The following ABLIM3 variants were observed in gnomAD, a reference collection of about 807,000 sequenced individuals.
ABLIM3 encodes actin-binding LIM protein 3.
In ABLIM3, 61 loss-of-function variants were observed where a neutral mutation model predicts 109.5. The ratio of observed to expected loss-of-function variants is 0.56; its 90% confidence interval spans 0.45 to 0.69. The LOEUF (loss-of-function observed/expected upper bound fraction) is 0.69. Among genes scored for constraint, ABLIM3 ranks in the 30% least tolerant of loss-of-function variants. The pLI is 0.00. For synonymous variants in ABLIM3, 300 were observed against 324.8 expected (o/e 0.92, Z 0.82); for missense variants, 796 against 889.5 (o/e 0.89, Z 1.34).
At chr5:149,199,191 C>T (rs2127497107) in intron 4 of ABLIM3, 1 of 452,744 alleles carries the variant, frequency 2.2e-6, no homozygotes, top group Non-Finnish European at 4.4e-6. Flanking sequence ...AAGCTCAGCC[C>T]TACCCACAAA....
At chr5:149,206,959 G>C in intron 5 of ABLIM3, 49 bp from the exon 6 acceptor site, 2 of 1,588,238 alleles carry the variant, frequency 1.3e-6, no homozygotes, top group Non-Finnish European at 1.7e-6. Flanking sequence ...GATAGCGGGG[G>C]TTAAAGGGCC....
intron 2 of ABLIM3, among the ~76,000 whole-genome samples, chr5:149,160,777 G>A (rs962122210): frequency 1.1e-4 from 16 of 152,174 alleles, no homozygotes; most frequent in South Asian, 2.1e-4. Context: ...CATCTGTTGG[G>A]CTGTAAGCTG....
chr5:149,197,106 T>C (rs1758053376), intron 3 of ABLIM3, among the ~76,000 whole-genome samples: 1 of 152,208 alleles, frequency 6.6e-6, no homozygotes, highest in South Asian at 2.1e-4. Flanking sequence ...GATATTTTTC[T>C]AAATTTTTCT....
At chr5:149,143,951 T>C (rs1167776576) in intron 2 of ABLIM3, among the ~76,000 whole-genome samples, 1 of 152,120 alleles carries the variant, frequency 6.6e-6, no homozygotes, top group Non-Finnish European at 1.5e-5. Flanking sequence ...TTCAAGGAAC[T>C]AAGAAAAGAA....
intron 2 of ABLIM3, among the ~76,000 whole-genome samples, chr5:149,170,443 A>G (rs1755303907): frequency 6.6e-6 from 1 of 152,142 alleles, no homozygotes; most frequent in African/African-American, 2.4e-5. Flanking sequence ...TCATACGGAA[A>G]GGGGATTGGG....
In ABLIM3 at chr5:149,249,685, C is replaced by T. The variant is rs1753742353; in HGVS notation, c.1700-130C>T. On this transcript the variant is annotated intron_variant, in intron 18 of 23. Coordinates refer to ENST00000309868, the MANE Select transcript of ABLIM3 (RefSeq NM_014945.5). The stretch of plus-strand genomic sequence containing the variant: ...AAACTGACCAGTTCAGGAGGGGCTG[C>T]AGGAGGCCCCTTTTCCCAGCCAGCC... The T allele has an allele frequency of 5.1e-6, 5 of 975,858 alleles. No individual in the cohort carries two copies. In the South Asian group the frequency reaches 7.3e-5, roughly 14 times the overall value. 60.4% of individuals were successfully genotyped at this position (975,858 alleles called of 1,614,324 possible). A position where few individuals can be genotyped will look rare whatever the true frequency, so the allele number is the denominator to read the frequency against.
At chr5:149,244,809 A>C in intron 15 of ABLIM3, 72 bp from the exon 16 acceptor site, 1 of 1,600,790 alleles carries the variant, frequency 6.2e-7, no homozygotes, top group South Asian at 1.1e-5. Context: ...CCTGGTAAAG[A>C]TAGGAAAAGG....
intron 2 of ABLIM3, among the ~76,000 whole-genome samples, chr5:149,147,049 C>T (rs1260401672): frequency 4.0e-5 from 6 of 151,530 alleles, no homozygotes; most frequent in African/African-American, 1.2e-4. Context: ...TACATATATT[C>T]CTAGGGTTTC....
chr5:149,234,173 A>G (rs1762129385), intron 10 of ABLIM3, among the ~76,000 whole-genome samples: 1 of 152,230 alleles, frequency 6.6e-6, no homozygotes, highest in African/African-American at 2.4e-5. Flanking sequence ...GGACCTGACA[A>G]TCTAGGACTA....
chr5:149,207,497 C>A (rs1759119351), intron 6 of ABLIM3, among the ~76,000 whole-genome samples: 1 of 152,162 alleles, frequency 6.6e-6, no homozygotes, highest in Admixed American at 6.5e-5. Context: ...ACATATTTAT[C>A]CCTGGTAACT....
At chr5:149,200,515 G>C in intron 5 of ABLIM3, 87 bp downstream of exon 5, 4 of 1,392,804 alleles carry the variant, frequency 2.9e-6, no homozygotes, top group Non-Finnish European at 3.0e-6. Flanking sequence ...GCTCCCACGG[G>C]CCTGGAGGGA....
chr5:149,141,887 C>A, intron 1 of ABLIM3, 122 bp from the exon 2 acceptor site: 1 of 681,970 alleles, frequency 1.5e-6, no homozygotes, highest in Admixed American at 2.6e-5. Context: ...CTCTCACCTG[C>A]GCCTATTAGT....
At chr5:149,258,221 C>A in intron 23 of ABLIM3, 70 bp from the exon 24 acceptor site, 1 of 1,434,664 alleles carries the variant, frequency 7.0e-7, no homozygotes, top group South Asian at 1.2e-5. Context: ...TCCAGCTACC[C>A]CTGCATCTTG....
chr5:149,251,416 C>T lies in ABLIM3; in HGVS notation c.1846C>T (p.Arg616Ter), dbSNP rs368209611. 2 of 1,613,916 alleles carry T rather than the reference C, an allele frequency of 1.2e-6. No individual in the cohort carries two copies. The highest frequency in any genetic ancestry group is 2.2e-5 in the East Asian group (1 of 44,886). Residue 616 changes from arginine to a stop codon, truncating the protein, a stop_gained, in exon 21 of 24, where the codon CGA becomes TGA. Coordinates refer to ENST00000309868, the MANE Select transcript of ABLIM3 (RefSeq NM_014945.5). LOFTEE classifies it high-confidence loss of function. ...CATGAACGCAGTCAACTGGGGCATGCGAGGTGAGTGCAGGCCTGCAGGGGG... is the reference window on the plus strand; with the variant it reads ...CATGAACGCAGTCAACTGGGGCATGTGAGGTGAGTGCAGGCCTGCAGGGGG... The part of the protein sequence containing the change: ...DSMNAVNWGM[R>*]EYKIYPYELL...
intron 8 of ABLIM3, among the ~76,000 whole-genome samples, chr5:149,227,993 G>A (rs1209043621): frequency 6.6e-6 from 1 of 152,070 alleles, no homozygotes; most frequent in Non-Finnish European, 1.5e-5. Context: ...TATCTTCTCG[G>A]TACAGTAAAA....
At chr5:149,178,377 C>A (rs887279960) in intron 2 of ABLIM3, among the ~76,000 whole-genome samples, 4 of 152,204 alleles carry the variant, frequency 2.6e-5, no homozygotes, top group African/African-American at 9.7e-5. Flanking sequence ...CTGCTGTGTG[C>A]TCATTGCTGA....
intron 2 of ABLIM3, among the ~76,000 whole-genome samples, chr5:149,147,558 C>T (rs1233513314): frequency 6.6e-6 from 1 of 152,114 alleles, no homozygotes; most frequent in Non-Finnish European, 1.5e-5. Context: ...TATTTTCAAT[C>T]TGCCTTTAGT....
intron 2 of ABLIM3, among the ~76,000 whole-genome samples, chr5:149,164,482 A>G (rs4077085): frequency 0.43 from 65,766 of 151,976 alleles, 14,621 homozygotes; most frequent in Middle Eastern, 0.49. Context: ...GGTTCTCAAA[A>G]TATAGTCTCC....
At chr5:149,241,447 G>A (rs1022103985) in intron 14 of ABLIM3, among the ~76,000 whole-genome samples, 4 of 152,202 alleles carry the variant, frequency 2.6e-5, no homozygotes, top group Non-Finnish European at 5.9e-5. Flanking sequence ...GCTTCTTGGA[G>A]GAGGTAACAT....
Sources: allele counts gnomAD v4.1 joint callset (sites outside exome capture counted in the v4.1 genomes callset), GRCh38; gene constraint gnomAD v4.1.1; transcripts MANE v1.5; gene names NCBI Gene and HGNC (gene_info 2026-07-23, HGNC 2026-07-21).